CERS4: variants seen among roughly 807,000 people sequenced by gnomAD.
The protein encoded by CERS4 is LAG1 homolog, ceramide synthase 4.
CERS4 carries 65 observed loss-of-function variants against 51.8 expected under a neutral mutation model. The ratio of observed to expected loss-of-function variants is 1.26; its 90% CI spans 1.03 to 1.54. The LOEUF (loss-of-function observed/expected upper bound fraction) is 1.54. Among genes scored for constraint, CERS4 ranks in the 40% most tolerant of loss-of-function variants. CERS4 has a pLI of 0.00. For synonymous variants in CERS4, 228 were observed against 208.4 expected, an observed-to-expected ratio of 1.09 and a Z score of -0.81; for missense variants, 563 against 500.4, an observed-to-expected ratio of 1.13 and a Z score of -1.19.
chr19:8,254,844 C>T (rs1969290596), intron 4 of CERS4, among the ~76,000 whole-genome samples: 2 of 151,818 alleles, frequency 1.3e-5, no homozygotes, highest in Non-Finnish European at 1.5e-5. Context: ...GACATGGAGC[C>T]CCACCCTTCC....
chr19:8,257,819 C>T (rs1406497659), intron 9 of CERS4, 60 bp from the exon 10 acceptor site: 2 of 1,333,512 alleles, frequency 1.5e-6, no homozygotes, highest in African/African-American at 1.4e-5. Flanking sequence ...TCCTATAGCA[C>T]CTTCTCTTTG....
chr19:8,251,228 C>T lies in CERS4; in HGVS notation c.152C>T (p.Ala51Val). ...CTGCCCCTGGCGCTGGTCCTCCTGG[C>T]CATGCGCCTTGCCTTTGAGAGGTGA... ...AALPLALVLLAMRLAFERFIG... is the reference protein window; with the variant it reads ...AALPLALVLLVMRLAFERFIG... Residue 51 changes from alanine (A) to valine (V), a missense_variant, in exon 3 of 12, where the codon GCC (alanine) becomes GTC (valine). Coordinates refer to ENST00000251363, the MANE Select transcript of CERS4 (RefSeq NM_024552.3). 6.2e-7 allele frequency: 1 copy of T among 1,607,224 alleles called. No individual in the cohort carries two copies. The highest frequency in any genetic ancestry group is 8.5e-7 in the Non-Finnish European group (1 of 1,177,090).
intron 2 of CERS4, among the ~76,000 whole-genome samples, chr19:8,234,719 A>AT (rs1968163811): frequency 9.0e-6 from 1 of 111,366 alleles, no homozygotes; most frequent in African/African-American, 3.3e-5. Context: ...ATGCCCAGCT[A>AT]ATTTTTGCAT....
At position 8,254,568 on chromosome 19, in the gene CERS4, C is replaced by T. The variant is rs749759338; in HGVS notation, c.243C>T (p.Asn81=). ...RDQTRRQVKP[N]ATLEKHFLTE... is the part of the protein sequence containing the mutation. ...AGACCAGGAGGCAAGTGAAGCCCAA[C>T]GCCACGCTGGAGAAACACTTCCTCA... The change falls in exon 4 of 12, where the codon AAC becomes AAT. Residue 81 remains asparagine (N), a synonymous_variant. Coordinates refer to ENST00000251363, the MANE Select transcript of CERS4 (RefSeq NM_024552.3). The T allele has an allele frequency of 3.0e-5, 48 of 1,613,276 alleles. No individual in the cohort carries two copies. The highest frequency in any genetic ancestry group is 1.1e-4 in the East Asian group (5 of 44,866).
intron 2 of CERS4, among the ~76,000 whole-genome samples, chr19:8,218,792 T>A (rs1001193119): frequency 2.0e-5 from 3 of 152,178 alleles, no homozygotes; most frequent in African/African-American, 7.2e-5. Context: ...AGGTAGCCTC[T>A]GCCTCCCCAC....
chr19:8,235,317 G>A (rs1327318264), intron 2 of CERS4, among the ~76,000 whole-genome samples: 5 of 143,786 alleles, frequency 3.5e-5, no homozygotes, highest in South Asian at 2.3e-4. Context: ...TAATAGGGAC[G>A]AGGTTTCACT....
At chr19:8,223,524 C>G (rs892713204) in intron 2 of CERS4, among the ~76,000 whole-genome samples, 2 of 152,100 alleles carry the variant, frequency 1.3e-5, no homozygotes, top group African/African-American at 4.8e-5. Context: ...GAGACTGAGG[C>G]AGGAGAATCA....
At chr19:8,219,735 C>T (rs926781404) in intron 2 of CERS4, among the ~76,000 whole-genome samples, 6 of 152,006 alleles carry the variant, frequency 3.9e-5, no homozygotes, top group Non-Finnish European at 7.4e-5. Flanking sequence ...AGAAAAATCG[C>T]TTGAACCCGG....
At chr19:8,250,126 C>T (rs918608703) in intron 2 of CERS4, among the ~76,000 whole-genome samples, 2 of 151,936 alleles carry the variant, frequency 1.3e-5, no homozygotes, top group Non-Finnish European at 2.9e-5. Flanking sequence ...AGGCGCCTGC[C>T]ACCACGCCCG....
chr19:8,223,567 T>C (rs1967650089), intron 2 of CERS4, among the ~76,000 whole-genome samples: 1 of 151,826 alleles, frequency 6.6e-6, no homozygotes, highest in Non-Finnish European at 1.5e-5. Context: ...TGCAGGGAGC[T>C]AAGATTGCAC....
chr19:8,230,362 G>C (rs1277640372), intron 2 of CERS4, among the ~76,000 whole-genome samples: 1 of 151,586 alleles, frequency 6.6e-6, no homozygotes, highest in Non-Finnish European at 1.5e-5. Context: ...GCCAATTTTT[G>C]TATTTTTATT....
At chr19:8,231,804 G>A (rs769671265) in intron 2 of CERS4, among the ~76,000 whole-genome samples, 18 of 147,676 alleles carry the variant, frequency 1.2e-4, no homozygotes, top group African/African-American at 2.0e-4. Context: ...CGCCTGCCTT[G>A]GCCTCCCAAA....
Position 8,251,344 on chromosome 19 carries a change from G to A in CERS4, c.173+95G>A, listed in dbSNP as rs917874753. ...AATTTGCCATTGCAGCATGTCCCGA[G>A]TAGAAGCTGGCTTTGCACCAAAGCG... On this transcript the variant is annotated intron_variant, in intron 3 of 11. Transcript: ENST00000251363. The A allele has an allele frequency of 2.7e-6, 4 of 1,458,124 alleles. No individual in the cohort carries two copies. In the African/African-American group the frequency reaches 5.8e-5, roughly 21 times the overall value. 90.3% of individuals were successfully genotyped at this position (1,458,124 alleles called of 1,614,324 possible). A position where few individuals can be genotyped will look rare whatever the true frequency, so the allele number is the denominator to read the frequency against.
At chr19:8,216,428 T>C (rs1220215766) in intron 2 of CERS4, among the ~76,000 whole-genome samples, 3 of 150,982 alleles carry the variant, frequency 2.0e-5, no homozygotes, top group South Asian at 2.1e-4. Flanking sequence ...TGACTCCTCA[T>C]TCCTTTTCCT....
chr19:8,246,537 A>G (rs532149257), intron 2 of CERS4, among the ~76,000 whole-genome samples: 93 of 152,170 alleles, frequency 6.1e-4, no homozygotes, highest in African/African-American at 2.1e-3. Context: ...TGGGTGACAG[A>G]GTGAGACCCT....
chr19:8,262,002 C>G lies in CERS4; in HGVS notation c.1078C>G (p.Leu360Val), dbSNP rs1460013670. The stretch of plus-strand genomic sequence containing the variant: ...GGAGGCGGCGGCGGCCCAGGAACCT[C>G]TGCAGCTAAAGAACGGGGCAGCTGG... Reference protein sequence around the residue: ...SEEAAAAQEPLQLKNGAAGGP... With the variant: ...SEEAAAAQEPVQLKNGAAGGP... The change falls in exon 12 of 12, where the codon CTG (leucine) becomes GTG (valine). Residue 360 changes from leucine to valine, a missense_variant. Physicochemically the swap from Leu to Val is conservative, Grantham distance 32 (BLOSUM62 1). Transcript: ENST00000251363. 1.9e-6 allele frequency: 3 copies of G among 1,594,472 alleles called. No individual in the cohort carries two copies. Among genetic ancestry groups the G allele is most frequent in the South Asian group, 2.3e-5 (2 of 88,446 alleles).
At chr19:8,255,584 T>C in intron 4 of CERS4, 23 bp from the exon 5 acceptor site, 1 of 1,598,226 alleles carries the variant, frequency 6.3e-7, no homozygotes, top group Non-Finnish European at 8.5e-7. Context: ...CTGTGACCCT[T>C]GTCCTCATCA....
intron 10 of CERS4, among the ~76,000 whole-genome samples, chr19:8,260,175 G>T (rs1599601751): frequency 6.6e-6 from 1 of 151,916 alleles, no homozygotes; most frequent in Admixed American, 6.6e-5. Flanking sequence ...GCTGATTGGG[G>T]GGTAGGAGAA....
intron 2 of CERS4, among the ~76,000 whole-genome samples, chr19:8,237,807 C>A (rs924519196): frequency 6.6e-6 from 1 of 151,598 alleles, no homozygotes; most frequent in Admixed American, 6.6e-5. Context: ...GCCGAGATTG[C>A]GCCACTGCAC....
Sources: gnomAD v4.1 joint callset for allele counts (sites outside exome capture counted in the v4.1 genomes callset) on GRCh38, gnomAD v4.1.1 for gene constraint, MANE v1.5 for transcripts, NCBI Gene and HGNC (gene_info 2026-07-23, HGNC 2026-07-21) for gene names.